CARS1: variants seen among roughly 807,000 people sequenced by gnomAD.
CARS1 encodes cysteine--tRNA ligase, cytoplasmic.
A neutral mutation model predicts 106.2 loss-of-function variants in CARS1; 48 were observed. The observed-to-expected ratio is 0.45, with a 90% CI of 0.36 to 0.57. The LOEUF is 0.57. Among genes scored for constraint, CARS1 ranks in the 20% least tolerant of loss-of-function variants. The pLI, the probability that CARS1 is intolerant of heterozygous loss-of-function variation, is 0.00. For synonymous variants in CARS1, 409 were observed against 403.4 expected (o/e 1.01, Z -0.17); for missense variants, 968 against 1,057.2 (o/e 0.92, Z 1.17).
rs1554965024 is a variant in CARS1 at position 3,017,075 on chromosome 11, G to A, written c.1917+31C>T. Reference sequence around the variant, plus strand: ...CCTGGCTCCTGTGTCCACACAGGCTGAGGGATACGCCTGCCTGGGGCCTGG... The same window carrying A: ...CCTGGCTCCTGTGTCCACACAGGCTAAGGGATACGCCTGCCTGGGGCCTGG... On this transcript the variant is annotated intron_variant, in intron 16 of 22. Transcript: ENST00000380525. The surrounding 1 kb of genome is among the most constrained non-coding windows in gnomAD (Gnocchi z 4.9). The A allele has an allele frequency of 6.3e-7, 1 of 1,591,206 alleles. No homozygotes were observed. The highest frequency in any genetic ancestry group is 1.7e-5 in the Admixed American group (1 of 59,326).
chr11:3,002,492 G>C, intron 21 of CARS1, 49 bp downstream of exon 21: 2 of 1,609,456 alleles, frequency 1.2e-6, no homozygotes, highest in Non-Finnish European at 8.5e-7. Context: ...ATGGGGTCAG[G>C]GTGCACTCCT....
rs555896735 is a variant in CARS1 at position 3,001,050 on chromosome 11, T to C, written c.*64A>G. ...TAAACATGATAGGAGCGCTGGGACA[T>C]TGTCACTGAGGCAGACAGCAGCCAC... is the stretch of plus-strand genomic sequence containing the variant. On this transcript the variant is annotated 3_prime_UTR_variant, in exon 23 of 23. Coordinates refer to ENST00000380525, the MANE Select transcript of CARS1 (RefSeq NM_001014437.3). The C allele has an allele frequency of 2.8e-4, 449 of 1,580,600 alleles. No homozygotes were observed. The highest frequency in any genetic ancestry group is 3.7e-4 in the Non-Finnish European group (425 of 1,153,916).
chr11:3,019,271 G>A lies in CARS1; in HGVS notation c.1267-4C>T. 1 of 1,419,512 alleles carries A rather than the reference G, an allele frequency of 7.0e-7. No individual in the cohort carries two copies. Among genetic ancestry groups the A allele is most frequent in the Non-Finnish European group, 9.3e-7 (1 of 1,078,790 alleles). The allele number at this position is 1,419,512 out of a possible 1,614,324, so 87.9% of individuals were successfully genotyped here. Reference sequence around the variant, plus strand: ...CGATATGCCAGCCCGGACGACCCTGGAGAAAGCCGAACACACAGTGACTGA... The same window carrying A: ...CGATATGCCAGCCCGGACGACCCTGAAGAAAGCCGAACACACAGTGACTGA... On this transcript the variant is annotated splice_region_variant and splice_polypyrimidine_tract_variant and intron_variant, in intron 11 of 22. Coordinates refer to ENST00000380525, the MANE Select transcript of CARS1 (RefSeq NM_001014437.3). The surrounding 1 kb of genome is among the most constrained non-coding windows in gnomAD (Gnocchi z 6.2).
At position 3,021,205 on chromosome 11, in the gene CARS1, G is replaced by A. The variant is rs529761612; in HGVS notation, c.1154-873C>T. The stretch of plus-strand genomic sequence containing the variant: ...GGACCAATGGAAAAGATTAGCTGCT[G>A]TGAATAAAGAAACCTGTGAGCCAGT... On this transcript the variant is annotated intron_variant, in intron 10 of 22. Coordinates refer to ENST00000380525, the MANE Select transcript of CARS1 (RefSeq NM_001014437.3). This position sits in a 1 kb window ranked among gnomAD's most constrained non-coding sequence, Gnocchi z 5.3. Among the ~76,000 whole-genome samples, 1 of 152,348 alleles carries A rather than the reference G, an allele frequency of 6.6e-6. No homozygotes were observed. The highest frequency in any genetic ancestry group is 6.5e-5 in the Admixed American group (1 of 15,294).
In CARS1 at chr11:3,026,710, G is replaced by A. The variant is rs778683909; in HGVS notation, c.1119C>T (p.Ala373=). 82 of 1,613,782 alleles carry A rather than the reference G, an allele frequency of 5.1e-5. No homozygotes were observed. The highest frequency in any genetic ancestry group is 6.3e-5 in the Non-Finnish European group (74 of 1,179,936). The change falls in exon 10 of 23, where the codon GCC becomes GCT. Residue 373 remains alanine (A), a synonymous_variant. Coordinates refer to ENST00000380525, the MANE Select transcript of CARS1 (RefSeq NM_001014437.3). The stretch of plus-strand genomic sequence containing the variant: ...CTTGAAGGGCTTTCTGATCTCCAAC[G>A]GCCTCAGGCACCAGCTTCCCATAGG... ...KHSYGKLVPE[A]VGDQKALQEG...
At position 3,008,477 on chromosome 11, in the gene CARS1, G is replaced by C. The variant is rs1166054572; in HGVS notation, c.2069-1518C>G. 1 of 152,072 alleles carries C rather than the reference G, an allele frequency of 6.6e-6. No individual in the cohort carries two copies. Among genetic ancestry groups the C allele is most frequent in the Non-Finnish European group, 1.5e-5 (1 of 68,082 alleles). The allele number at this position is 152,072 out of a possible 1,614,324, so 9.4% of individuals were successfully genotyped here. A position where few individuals can be genotyped will look rare whatever the true frequency, so the allele number is the denominator to read the frequency against. On this transcript the variant is annotated intron_variant, in intron 18 of 22. Transcript: ENST00000380525. This position sits in a 1 kb window ranked among gnomAD's most constrained non-coding sequence, Gnocchi z 5.1. ...CTACTAAAAATACAAAAACTATCTG[G>C]GTGTGGTGGCATGTGCCTGTAATCC...
chr11:3,045,273 C>G lies in CARS1; in HGVS notation c.274+2480G>C, dbSNP rs1410526884. Among the ~76,000 whole-genome samples, 1 of 152,056 alleles carries G rather than the reference C, an allele frequency of 6.6e-6. No homozygotes were observed. The highest frequency in any genetic ancestry group is 1.5e-5 in the Non-Finnish European group (1 of 68,024). ...GCAGAGCCTTTCCATTATCTCCAAC[C>G]CCCCACCCCGAGACGGAGTCTCGCT... is the stretch of plus-strand genomic sequence containing the variant. On this transcript the variant is annotated intron_variant, in intron 2 of 22. Transcript: ENST00000380525. The surrounding 1 kb of genome is among the most constrained non-coding windows in gnomAD (Gnocchi z 5.6).
Position 3,022,795 on chromosome 11 carries a change from G to A in CARS1, c.1154-2463C>T, listed in dbSNP as rs370337081. Among the ~76,000 whole-genome samples the A allele has an allele frequency of 6.6e-6, 1 of 152,112 alleles. No individual in the cohort carries two copies. Among genetic ancestry groups the A allele is most frequent in the South Asian group, 2.1e-4 (1 of 4,822 alleles). ...CCTCTGGTGGGTCATCTTACTTGGCGGAGTGAGGAGCTGTCATCATCTAGG... is the reference window on the plus strand; with the variant it reads ...CCTCTGGTGGGTCATCTTACTTGGCAGAGTGAGGAGCTGTCATCATCTAGG... On this transcript the variant is annotated intron_variant, in intron 10 of 22. Coordinates refer to ENST00000380525, the MANE Select transcript of CARS1 (RefSeq NM_001014437.3). The surrounding 1 kb of genome is among the most constrained non-coding windows in gnomAD (Gnocchi z 4.9).
rs1359419427 is a variant in CARS1, at chr11:3,045,296, G to A, written c.274+2457C>T. On this transcript the variant is annotated intron_variant, in intron 2 of 22. Coordinates refer to ENST00000380525, the MANE Select transcript of CARS1 (RefSeq NM_001014437.3). This position sits in a 1 kb window ranked among gnomAD's most constrained non-coding sequence, Gnocchi z 5.6. ...ACCCCCCACCCCGAGACGGAGTCTC[G>A]CTCTGTCACCTAGGCTGGAGTACAG... Among the ~76,000 whole-genome samples, 4 of 152,010 alleles carry A rather than the reference G, an allele frequency of 2.6e-5. No homozygotes were observed. Among genetic ancestry groups the A allele is most frequent in the Admixed American group, 1.3e-4 (2 of 15,278 alleles).
chr11:3,018,533 C>T, intron 13 of CARS1, 22 bp from the exon 14 acceptor site: 1 of 1,612,788 alleles, frequency 6.2e-7, no homozygotes, highest in Non-Finnish European at 8.5e-7. Context: ...CACAAGACAG[C>T]CAACGCCCTT....
In CARS1 at chr11:3,019,124, T is replaced by C. The variant is rs2134149545; in HGVS notation, c.1395+15A>G. On this transcript the variant is annotated intron_variant, in intron 12 of 22. Coordinates refer to ENST00000380525, the MANE Select transcript of CARS1 (RefSeq NM_001014437.3). The surrounding 1 kb of genome is among the most constrained non-coding windows in gnomAD (Gnocchi z 6.2). ...GTGCTCTTGCACCTGACAAGGGGAC[T>C]CTGTTTTCACCTACCTCCGACTGTG... is the stretch of plus-strand genomic sequence containing the variant. The C allele has an allele frequency of 1.3e-6, 2 of 1,510,132 alleles. No homozygotes were observed. The highest frequency in any genetic ancestry group is 1.8e-6 in the Non-Finnish European group (2 of 1,134,054). The allele number at this position is 1,510,132 out of a possible 1,614,324, so 93.5% of individuals were successfully genotyped here.
rs1488471324 is a variant in CARS1, at chr11:3,008,589, A to G, written c.2069-1630T>C. 6.6e-6 allele frequency: 1 copy of G among 150,784 alleles called. No individual in the cohort carries two copies. The highest frequency in any genetic ancestry group is 2.4e-5 in the African/African-American group (1 of 40,888). The allele number at this position is 150,784 out of a possible 1,614,324, so 9.3% of individuals were successfully genotyped here. ...GGCCAAGATGACACCACTGCACTCCAGCCTAGCGACAGGGCAAGACTCCAT... is the reference window on the plus strand; with the variant it reads ...GGCCAAGATGACACCACTGCACTCCGGCCTAGCGACAGGGCAAGACTCCAT... On this transcript the variant is annotated intron_variant, in intron 18 of 22. Coordinates refer to ENST00000380525, the MANE Select transcript of CARS1 (RefSeq NM_001014437.3). The surrounding 1 kb of genome is among the most constrained non-coding windows in gnomAD (Gnocchi z 5.1).
At position 3,017,932 on chromosome 11, in the gene CARS1, T is replaced by C. The variant is rs1368918279; in HGVS notation, c.1652A>G (p.Asp551Gly). The stretch of plus-strand genomic sequence containing the variant: ...GATGTCAACAGGAGCGCGAAGGATA[T>C]CTTTCACATTTAAGAAAAACTCCTG... ...FLNEFFLNVK[D>G]ILRAPVDITG... The change falls in exon 15 of 23, where the codon GAT (aspartate) becomes GGT (glycine). Residue 551 changes from aspartate (D) to glycine (G), a missense_variant. Transcript: ENST00000380525. This position sits in a 1 kb window ranked among gnomAD's most constrained non-coding sequence, Gnocchi z 4.9. The C allele has an allele frequency of 1.2e-6, 2 of 1,613,228 alleles. No homozygotes were observed. The highest frequency in any genetic ancestry group is 1.7e-6 in the Non-Finnish European group (2 of 1,179,538).
intron 3 of CARS1, 120 bp downstream of exon 3, chr11:3,042,045 T>C (rs2134264326): frequency 1.5e-6 from 1 of 674,816 alleles, no homozygotes; most frequent in Non-Finnish European, 2.5e-6. Flanking sequence ...CCTGGATTTA[T>C]GGAACTCCAG....
rs758606798 is a variant in CARS1, at chr11:3,020,213, C to T, written c.1266+7G>A. 13 of 1,554,092 alleles carry T rather than the reference C, an allele frequency of 8.4e-6. No homozygotes were observed. In the South Asian group the frequency reaches 1.0e-4, roughly 12 times the overall value. ...CAAGCCCCACACCTTCTAGGCCACT[C>T]GCTCACCTTTCCCCAAGGGCACGGC... On this transcript the variant is annotated splice_region_variant and intron_variant, in intron 11 of 22. Coordinates refer to ENST00000380525, the MANE Select transcript of CARS1 (RefSeq NM_001014437.3). This position sits in a 1 kb window ranked among gnomAD's most constrained non-coding sequence, Gnocchi z 4.6.
In CARS1 at chr11:3,003,187, G is replaced by A. The variant is rs978337987; in HGVS notation, c.2218-587C>T. On this transcript the variant is annotated intron_variant, in intron 20 of 22. Transcript: ENST00000380525. The surrounding 1 kb of genome is among the most constrained non-coding windows in gnomAD (Gnocchi z 4.8). The stretch of plus-strand genomic sequence containing the variant: ...GCCAGCAGGCTGGGTGCCGGTGAGG[G>A]AAGCCCTCGGTTGCTTTGGGAGGTT... 7.0e-6 allele frequency among the ~76,000 whole-genome samples: 1 copy of A among 142,478 alleles called. No individual in the cohort carries two copies. Among genetic ancestry groups the A allele is most frequent in the South Asian group, 2.4e-4 (1 of 4,164 alleles). The allele number at this position is 142,478 out of a possible 152,430, so 93.5% of individuals were successfully genotyped here.
At chr11:3,047,311 A>T (rs970528101) in intron 2 of CARS1, among the ~76,000 whole-genome samples, 5 of 152,128 alleles carry the variant, frequency 3.3e-5, no homozygotes, top group Admixed American at 2.0e-4. Flanking sequence ...AATGCCAATT[A>T]ATACTTTAGG....
chr11:3,015,094 C>T (rs739401), intron 17 of CARS1, among the ~76,000 whole-genome samples: 68,587 of 152,076 alleles, frequency 0.45, 16,231 homozygotes, highest in East Asian at 0.64. Flanking sequence ...AGCAGAAGGA[C>T]AGGACTGACA....
In CARS1 at chr11:3,012,124, G is replaced by C. The variant is rs970346839; in HGVS notation, c.2068+71C>G. 8.0e-6 allele frequency: 11 copies of C among 1,375,352 alleles called. No homozygotes were observed. The African/African-American group carries it at 1.0e-4, about 12-fold the overall frequency. 85.2% of individuals were successfully genotyped at this position (1,375,352 alleles called of 1,614,324 possible). A position where few individuals can be genotyped will look rare whatever the true frequency, so the allele number is the denominator to read the frequency against. On this transcript the variant is annotated intron_variant, in intron 18 of 22. Transcript: ENST00000380525. ...CGGCCTGAACGCCATAGTGCCTCGG[G>C]GGAGACGCCCGGTCCGGGGAGCCCA...
Sources: allele counts gnomAD v4.1 joint callset (sites outside exome capture counted in the v4.1 genomes callset), GRCh38; gene constraint gnomAD v4.1.1; non-coding constraint Gnocchi (gnomAD v3.1); transcripts MANE v1.5; gene names NCBI Gene and HGNC (gene_info 2026-07-23, HGNC 2026-07-21).